The following SPRED1 variants were observed in gnomAD, a reference collection of about 807,000 sequenced individuals.
SPRED1 encodes sprouty-related, EVH1 domain-containing protein 1.
Under a neutral mutation model 52.3 loss-of-function variants are expected in SPRED1, and 18 were observed. The observed-to-expected ratio is 0.34, with a 90% CI of 0.24 to 0.51. SPRED1 has a LOEUF of 0.51. Among genes scored for constraint, SPRED1 ranks in the 20% least tolerant of loss-of-function variants. The probability of loss-of-function intolerance (pLI) is 0.97; values close to 1 mark genes in which losing one functional copy is unlikely to be tolerated. For missense variants in SPRED1, 485 were observed against 551.0 expected (o/e 0.88, Z 1.20); for synonymous variants, 155 against 179.7 (o/e 0.86, Z 1.10).
At position 38,271,215 on chromosome 15, in the gene SPRED1, C is replaced by A. The variant is rs138873407; in HGVS notation, c.32+17998C>A. On this transcript the variant is annotated intron_variant, in intron 1 of 6. Transcript: ENST00000299084. Reference sequence around the variant, plus strand: ...AGATTCTATGAAAATAGTGTTTAGACCTGTTTCAGTAAGGAAATGTCTTTT... The same window carrying A: ...AGATTCTATGAAAATAGTGTTTAGAACTGTTTCAGTAAGGAAATGTCTTTT... 4.3e-4 allele frequency among the ~76,000 whole-genome samples: 65 copies of A among 152,272 alleles called. No individual in the cohort carries two copies. The East Asian group carries it at 9.4e-3, about 22-fold the overall frequency.
intron 1 of SPRED1, among the ~76,000 whole-genome samples, chr15:38,283,222 G>A (rs1894731953): frequency 6.6e-6 from 1 of 152,138 alleles, no homozygotes; most frequent in African/African-American, 2.4e-5. Context: ...CGTGTTAAGG[G>A]GGAACTGTCA....
intron 4 of SPRED1, among the ~76,000 whole-genome samples, chr15:38,331,023 AATT>A (rs1895795923): frequency 6.6e-6 from 1 of 152,118 alleles, no homozygotes; most frequent in South Asian, 2.1e-4. Context: ...CTACAGCTGG[AATT>A]ATTTTATTGC....
intron 4 of SPRED1, among the ~76,000 whole-genome samples, chr15:38,326,613 T>C (rs1895713829): frequency 6.6e-6 from 1 of 152,130 alleles, no homozygotes; most frequent in Non-Finnish European, 1.5e-5. Flanking sequence ...TTAGCAGAAG[T>C]TTAAGGTTGA....
At chr15:38,314,171 C>G (rs1201520228) in intron 2 of SPRED1, among the ~76,000 whole-genome samples, 2 of 151,748 alleles carry the variant, frequency 1.3e-5, no homozygotes, top group East Asian at 3.9e-4. Context: ...GTAATTCATA[C>G]AGGTTTCTGC....
At chr15:38,254,749 C>T (rs986585016) in intron 1 of SPRED1, among the ~76,000 whole-genome samples, 1 of 152,188 alleles carries the variant, frequency 6.6e-6, no homozygotes, top group African/African-American at 2.4e-5. Context: ...ACGTGATCGC[C>T]TCCATTCATA....
At chr15:38,255,743 T>A (rs953476771) in intron 1 of SPRED1, among the ~76,000 whole-genome samples, 3 of 152,216 alleles carry the variant, frequency 2.0e-5, no homozygotes, top group Non-Finnish European at 2.9e-5. Flanking sequence ...CTTAGCACAG[T>A]TTAAAACTGC....
intron 4 of SPRED1, among the ~76,000 whole-genome samples, chr15:38,325,603 G>A (rs985293202): frequency 2.6e-5 from 4 of 151,976 alleles, no homozygotes; most frequent in African/African-American, 9.7e-5. Context: ...TTTTTCTTAT[G>A]CCTTTCAACT....
intron 2 of SPRED1, among the ~76,000 whole-genome samples, chr15:38,316,282 G>A (rs1432696129): frequency 1.3e-5 from 2 of 151,890 alleles, no homozygotes; most frequent in African/African-American, 4.8e-5. Flanking sequence ...TTGAAGTCCA[G>A]AGTTCACCTG....
At chr15:38,303,446 T>A (rs1192586214) in intron 2 of SPRED1, among the ~76,000 whole-genome samples, 2 of 152,168 alleles carry the variant, frequency 1.3e-5, no homozygotes, top group Non-Finnish European at 2.9e-5. Flanking sequence ...ACAAACATTT[T>A]ATCAAAATGT....
chr15:38,269,886 C>A (rs919438465), intron 1 of SPRED1, among the ~76,000 whole-genome samples: 4 of 148,730 alleles, frequency 2.7e-5, no homozygotes, highest in Non-Finnish European at 5.9e-5. Flanking sequence ...TGGCACAAAT[C>A]TGGAGCATTT....
At chr15:38,330,212 G>T (rs1895780811) in intron 4 of SPRED1, among the ~76,000 whole-genome samples, 1 of 151,182 alleles carries the variant, frequency 6.6e-6, no homozygotes, top group Non-Finnish European at 1.5e-5. Flanking sequence ...AATAAGCCAG[G>T]TTAGAGGACT....
At chr15:38,316,734 A>G (rs1895487937) in intron 2 of SPRED1, among the ~76,000 whole-genome samples, 1 of 59,494 alleles carries the variant, frequency 1.7e-5, no homozygotes, top group African/African-American at 6.2e-5. Flanking sequence ...CTAGTTTACA[A>G]TTTTCCATTA....
intron 1 of SPRED1, among the ~76,000 whole-genome samples, chr15:38,277,474 T>C (rs1595720566): frequency 6.6e-6 from 1 of 152,244 alleles, no homozygotes; most frequent in African/African-American, 2.4e-5. Flanking sequence ...GGCTGTGTAG[T>C]ATTCCATGGT....
Position 38,352,978 on chromosome 15 carries a change from G to C in SPRED1, c.*1314G>C, listed in dbSNP as rs936596226. The C allele has an allele frequency of 2.0e-5, 3 of 152,094 alleles. No homozygotes were observed. The highest frequency in any genetic ancestry group is 7.2e-5 in the African/African-American group (3 of 41,400). 9.4% of individuals were successfully genotyped at this position (152,094 alleles called of 1,614,324 possible). ...TGGATGTTTAATTTACAAAATAGTT[G>C]GGTAAATGTTCCAACAAACTTTAAA... is the stretch of plus-strand genomic sequence containing the variant. On this transcript the variant is annotated 3_prime_UTR_variant, in exon 7 of 7. Transcript: ENST00000299084.
At chr15:38,333,450 A>G (rs1037821684) in intron 4 of SPRED1, among the ~76,000 whole-genome samples, 2 of 152,176 alleles carry the variant, frequency 1.3e-5, no homozygotes, top group African/African-American at 2.4e-5. Context: ...ATATTAAGAA[A>G]GTATATTGAC....
At chr15:38,292,099 C>G (rs1894935389) in intron 1 of SPRED1, among the ~76,000 whole-genome samples, 1 of 152,178 alleles carries the variant, frequency 6.6e-6, no homozygotes, top group South Asian at 2.1e-4. Flanking sequence ...CCCAGATACC[C>G]TAAATCATCT....
At chr15:38,258,725 T>A (rs1347350585) in intron 1 of SPRED1, among the ~76,000 whole-genome samples, 1 of 152,234 alleles carries the variant, frequency 6.6e-6, no homozygotes, top group Non-Finnish European at 1.5e-5. Context: ...AAAATTGATT[T>A]AAAAACTTAT....
rs977631384 is a variant in SPRED1, at chr15:38,356,986, G to C, written c.*5322G>C. The stretch of plus-strand genomic sequence containing the variant: ...CTTATTTACAGGTTTTTCAGAATTT[G>C]CTTTACATTCTTCACATCAAGTTAA... On this transcript the variant is annotated 3_prime_UTR_variant, in exon 7 of 7. Coordinates refer to ENST00000299084, the MANE Select transcript of SPRED1 (RefSeq NM_152594.3). The C allele has an allele frequency of 2.6e-5, 4 of 152,202 alleles. No individual in the cohort carries two copies. In the East Asian group the frequency reaches 7.7e-4, roughly 29 times the overall value. 9.4% of individuals were successfully genotyped at this position (152,202 alleles called of 1,614,324 possible). A position where few individuals can be genotyped will look rare whatever the true frequency, so the allele number is the denominator to read the frequency against.
Position 38,355,525 on chromosome 15 carries a change from CT to C in SPRED1, c.*3864del, listed in dbSNP as rs1888599190. ...GAGTCTCCAGAGTACAGGAAATGTG[CT>C]TTCCTCTAAATGGTCAATGTAAAGA... On this transcript the variant is annotated 3_prime_UTR_variant, in exon 7 of 7. Transcript: ENST00000299084. 1 of 152,140 alleles carries C rather than the reference CT, an allele frequency of 6.6e-6. No individual in the cohort carries two copies. The highest frequency in any genetic ancestry group is 2.1e-4 in the South Asian group (1 of 4,826). The allele number at this position is 152,140 out of a possible 1,614,324, so 9.4% of individuals were successfully genotyped here. A position where few individuals can be genotyped will look rare whatever the true frequency, so the allele number is the denominator to read the frequency against.
Sources: gnomAD v4.1 joint callset for allele counts (sites outside exome capture counted in the v4.1 genomes callset) on GRCh38, gnomAD v4.1.1 for gene constraint, MANE v1.5 for transcripts, NCBI Gene and HGNC (gene_info 2026-07-23, HGNC 2026-07-21) for gene names.